IGFN1: variants seen among roughly 807,000 people sequenced by gnomAD.
IGFN1 encodes the protein immunoglobulin like and fibronectin type III domain containing 1.
IGFN1 carries 253 observed loss-of-function variants against 289.5 expected under a neutral mutation model. The ratio of observed to expected loss-of-function variants is 0.87; its 90% CI spans 0.79 to 0.97. The LOEUF (loss-of-function observed/expected upper bound fraction) is 0.97, where lower values mean the gene tolerates loss of function less well. IGFN1 is among the 50% of genes least tolerant of loss of function. The pLI is 0.00. For synonymous variants in IGFN1, 1,706 were observed against 1,788.5 expected (o/e 0.95, Z 1.16); for missense variants, 4,470 against 4,686.1 (o/e 0.95, Z 1.35).
At chr1:201,191,467 T>G (rs1333363527) in intron 1 of IGFN1, among the ~76,000 whole-genome samples, 1 of 152,000 alleles carries the variant, frequency 6.6e-6, no homozygotes, top group Admixed American at 6.6e-5. Flanking sequence ...GTGCTGAGAG[T>G]GTTGTTGGGA....
At position 201,214,201 on chromosome 1, in the gene IGFN1, G is replaced by A; in HGVS notation, c.8753G>A (p.Gly2918Asp). ...AQGPMGHFSQGLADMEVQPGE... is the reference protein window; with the variant it reads ...AQGPMGHFSQDLADMEVQPGE... ...GGCCCCATGGGCCACTTCTCCCAGG[G>A]CCTGGCTGACATGGAAGTGCAGCCG... The change falls in exon 13 of 24, where the codon GGC becomes GAC. Residue 2918 changes from glycine (G) to aspartate (D), a missense_variant. Gly to Asp is a moderately conservative substitution (Grantham distance 94, BLOSUM62 -1). Transcript: ENST00000335211. The A allele has an allele frequency of 6.2e-7, 1 of 1,613,266 alleles. No individual in the cohort carries two copies. Among genetic ancestry groups the A allele is most frequent in the Non-Finnish European group, 8.5e-7 (1 of 1,179,626 alleles).
intron 3 of IGFN1, among the ~76,000 whole-genome samples, chr1:201,195,466 C>G (rs1383908486): frequency 1.3e-5 from 2 of 152,166 alleles, no homozygotes; most frequent in Non-Finnish European, 2.9e-5. Flanking sequence ...CTCACAAAAT[C>G]TCATTCCCTT....
In IGFN1 at chr1:201,201,818, A is replaced by AT; in HGVS notation, c.736dup (p.Tyr246LeufsTer4). The AT allele has an allele frequency of 7.7e-7, 1 of 1,299,892 alleles. No individual in the cohort carries two copies. Among genetic ancestry groups the AT allele is most frequent in the Non-Finnish European group, 1.1e-6 (1 of 939,482 alleles). The allele number at this position is 1,299,892 out of a possible 1,614,324, so 80.5% of individuals were successfully genotyped here. ...GGATCTCAAGGATTCTCAGAGCAAG[A>AT]TTTACCTGTATAAGGTGAGGCTGGA... On this transcript the variant is annotated frameshift_variant, in exon 9 of 24. Coordinates refer to ENST00000335211, the MANE Select transcript of IGFN1 (RefSeq NM_001164586.2). LOFTEE classifies it high-confidence loss of function.
At chr1:201,221,800 G>C (rs1452543682) in intron 19 of IGFN1, 54 bp downstream of exon 19, 2 of 1,488,482 alleles carry the variant, frequency 1.3e-6, no homozygotes, top group Admixed American at 2.2e-5. Flanking sequence ...CTCCTAAGAG[G>C]GGGCCCCTGA....
intron 1 of IGFN1, among the ~76,000 whole-genome samples, chr1:201,192,686 G>A (rs1666710493): frequency 6.6e-6 from 1 of 152,208 alleles, no homozygotes; most frequent in Admixed American, 6.5e-5. Flanking sequence ...TAGATTGGTG[G>A]AGCGTGGGAA....
Position 201,194,173 on chromosome 1 carries a change from C to T in IGFN1, c.27C>T (p.His9=), listed in dbSNP as rs372720929. Residue 9 remains histidine, a synonymous_variant, in exon 3 of 24, where the codon CAC becomes CAT. Coordinates refer to ENST00000335211, the MANE Select transcript of IGFN1 (RefSeq NM_001164586.2). The part of the protein sequence containing the change: MAGKLRKS[H]IPGVSIWQLV... ...CTCCAGGAAAGCTCCGGAAGTCCCA[C>T]ATCCCTGGAGTGAGCATCTGGCAGC... is the stretch of plus-strand genomic sequence containing the variant. 2 of 1,551,626 alleles carry T rather than the reference C, an allele frequency of 1.3e-6. No homozygotes were observed. The highest frequency in any genetic ancestry group is 1.7e-6 in the Non-Finnish European group (2 of 1,146,942).
chr1:201,193,509 T>A (rs539206222), intron 2 of IGFN1, among the ~76,000 whole-genome samples: 45 of 152,294 alleles, frequency 3.0e-4, no homozygotes, highest in Admixed American at 1.7e-3. Flanking sequence ...TGGAGTACAG[T>A]GACGCGATCT....
At position 201,215,582 on chromosome 1, in the gene IGFN1, G is replaced by A; in HGVS notation, c.9039G>A (p.Glu3013=). 6.2e-7 allele frequency: 1 copy of A among 1,608,192 alleles called. No homozygotes were observed. The highest frequency in any genetic ancestry group is 2.2e-5 in the East Asian group (1 of 44,842). The stretch of plus-strand genomic sequence containing the variant: ...CAGATGTGACAGAGAAACTGAGAGA[G>A]CCACTGGTGGTCAAGGCTGGGAAGC... The part of the protein sequence containing the change: ...IAPDVTEKLR[E]PLVVKAGKPV... Residue 3013 remains glutamate (E), a synonymous_variant, in exon 15 of 24, where the codon GAG becomes GAA. Transcript: ENST00000335211.
At chr1:201,216,388 G>C in intron 15 of IGFN1, 66 bp from the exon 16 acceptor site, 2 of 1,347,876 alleles carry the variant, frequency 1.5e-6, no homozygotes, top group Non-Finnish European at 2.0e-6. Context: ...AGTTGGGGGG[G>C]TTGGCGCTGC....
rs1392454632 is a variant in IGFN1, at chr1:201,215,771, C to T, written c.9228C>T (p.Gly3076=). ...CLPSAGRKDC[G]QYSVTLRSEG... Reference sequence around the variant, plus strand: ...CCAGCGCAGGCAGGAAGGACTGTGGCCAGTACAGCGTGACACTGAGGAGTG... The same window carrying T: ...CCAGCGCAGGCAGGAAGGACTGTGGTCAGTACAGCGTGACACTGAGGAGTG... The change falls in exon 15 of 24, where the codon GGC becomes GGT. Residue 3076 remains glycine (G), a synonymous_variant. Transcript: ENST00000335211. 2.5e-6 allele frequency: 4 copies of T among 1,604,658 alleles called. No individual in the cohort carries two copies. The highest frequency in any genetic ancestry group is 1.1e-5 in the South Asian group (1 of 89,362).
Position 201,222,789 on chromosome 1 carries a change from A to G in IGFN1, c.10252A>G (p.Lys3418Glu), listed in dbSNP as rs772906695. Reference protein sequence around the residue: ...DSSTKDLLTVKVGDTVRVPVS... With the variant: ...DSSTKDLLTVEVGDTVRVPVS... The stretch of plus-strand genomic sequence containing the variant: ...CAGCACCAAGGACTTGCTGACAGTC[A>G]AGGTCGGGGACACAGTTCGTGTGCC... Residue 3418 changes from lysine (K) to glutamate (E), a missense_variant, in exon 20 of 24, where the codon AAG (lysine) becomes GAG (glutamate). This residue lies in a region of IGFN1 where 2,218 missense variants were observed against 2,114.1 expected (regional missense o/e 1.05). Coordinates refer to ENST00000335211, the MANE Select transcript of IGFN1 (RefSeq NM_001164586.2). The G allele has an allele frequency of 3.0e-5, 49 of 1,613,380 alleles. No homozygotes were observed. The Admixed American group carries it at 8.2e-4, about 27-fold the overall frequency.
chr1:201,200,834 T>C (rs866302942), intron 8 of IGFN1, among the ~76,000 whole-genome samples: 2,116 of 147,206 alleles, frequency 0.014, 50 homozygotes, highest in African/African-American at 0.049. Flanking sequence ...ATTTCTTTCT[T>C]TTTTTTTTTT....
rs112534806 is a variant in IGFN1 at position 201,228,551 on chromosome 1, G to C, written c.*152G>C. On this transcript the variant is annotated 3_prime_UTR_variant, in exon 24 of 24. Coordinates refer to ENST00000335211, the MANE Select transcript of IGFN1 (RefSeq NM_001164586.2). ...TGCCTGGCGAGGTTTTGGCCAGGAG[G>C]ACGTGAAGTCCTTGGGGAAGAAAAA... 2.1e-5 allele frequency: 17 copies of C among 801,908 alleles called. No homozygotes were observed. Among genetic ancestry groups the C allele is most frequent in the Non-Finnish European group, 3.7e-5 (17 of 460,456 alleles). 49.7% of individuals were successfully genotyped at this position (801,908 alleles called of 1,614,324 possible).
intron 8 of IGFN1, among the ~76,000 whole-genome samples, chr1:201,201,251 A>G (rs1321662517): frequency 1.3e-5 from 2 of 152,214 alleles, no homozygotes; most frequent in African/African-American, 2.4e-5. Context: ...TAACTATAGC[A>G]TAAGTCTAAT....
At position 201,208,726 on chromosome 1, in the gene IGFN1, G is replaced by C; in HGVS notation, c.3833G>C (p.Gly1278Ala). Residue 1278 changes from glycine to alanine, a missense_variant, in exon 12 of 24, where the codon GGG becomes GCG. Coordinates refer to ENST00000335211, the MANE Select transcript of IGFN1 (RefSeq NM_001164586.2). ...TGTAGGAAGGGTATTGGGAGTTCTGGGGAAATGGGGTCAGTGGATAAGGAA... is the reference window on the plus strand; with the variant it reads ...TGTAGGAAGGGTATTGGGAGTTCTGCGGAAATGGGGTCAGTGGATAAGGAA... Reference protein sequence around the residue: ...PGCRKGIGSSGEMGSVDKEGY... With the variant: ...PGCRKGIGSSAEMGSVDKEGY... The C allele has an allele frequency of 1.3e-6, 2 of 1,537,062 alleles. No individual in the cohort carries two copies. The highest frequency in any genetic ancestry group is 1.2e-5 in the South Asian group (1 of 84,056).
chr1:201,225,696 G>T, intron 21 of IGFN1, 128 bp from the exon 22 acceptor site: 1 of 731,832 alleles, frequency 1.4e-6, no homozygotes. Flanking sequence ...AGCTTACTCT[G>T]GGTCCAGCTA....
chr1:201,203,211 C>A (rs1452327229), intron 9 of IGFN1, among the ~76,000 whole-genome samples: 1 of 152,158 alleles, frequency 6.6e-6, no homozygotes, highest in African/African-American at 2.4e-5. Flanking sequence ...ACACAGTGGG[C>A]CCCTAATAAG....
chr1:201,199,168 T>C (rs781276148), intron 5 of IGFN1, among the ~76,000 whole-genome samples, 166 bp from the exon 6 acceptor site: 29 of 152,194 alleles, frequency 1.9e-4, no homozygotes, highest in Admixed American at 4.6e-4. Flanking sequence ...GGACAGACCC[T>C]CCACCCTGCT....
chr1:201,208,179 G>A lies in IGFN1; in HGVS notation c.3286G>A (p.Val1096Ile), dbSNP rs1281333300. 4.6e-6 allele frequency: 7 copies of A among 1,536,914 alleles called. No homozygotes were observed. In the South Asian group the frequency reaches 4.8e-5, roughly 10 times the overall value. Residue 1096 changes from valine (V) to isoleucine (I), a missense_variant, in exon 12 of 24, where the codon GTA becomes ATA. Val to Ile is a conservative substitution (Grantham distance 29). Coordinates refer to ENST00000335211, the MANE Select transcript of IGFN1 (RefSeq NM_001164586.2). ...TAGAGGTGGTCTCAAGGCCCCTGGAGTAGTGGAGACTGTTGGGATGGGATG... is the reference window on the plus strand; with the variant it reads ...TAGAGGTGGTCTCAAGGCCCCTGGAATAGTGGAGACTGTTGGGATGGGATG... Reference protein sequence around the residue: ...AGRGGLKAPGVVETVGMGCVE... With the variant: ...AGRGGLKAPGIVETVGMGCVE...
Sources: allele counts gnomAD v4.1 joint callset (sites outside exome capture counted in the v4.1 genomes callset), GRCh38; gene constraint gnomAD v4.1.1; regional missense constraint gnomAD v4.1.1; transcripts MANE v1.5; gene names NCBI Gene and HGNC (gene_info 2026-07-23, HGNC 2026-07-21).